Variants in MYO5C observed in about 807,000 individuals in gnomAD.
MYO5C encodes the protein myosin VC, also known as unconventional myosin-Vc.
Under a neutral mutation model 235.7 loss-of-function variants are expected in MYO5C, and 194 were observed. The ratio of observed to expected loss-of-function variants is 0.82; its 90% CI spans 0.73 to 0.93. The LOEUF (loss-of-function observed/expected upper bound fraction) is 0.93. Ranked by LOEUF, MYO5C falls within the 40% of genes least tolerant of loss-of-function variation. MYO5C has a pLI of 0.00. For missense variants in MYO5C, 2,038 were observed against 2,127.2 expected (o/e 0.96, Z 0.82); for synonymous variants, 707 against 754.8 (o/e 0.94, Z 1.04).
At chr15:52,233,675 C>T (rs1263937284) in intron 23 of MYO5C, among the ~76,000 whole-genome samples, 3 of 152,212 alleles carry the variant, frequency 2.0e-5, no homozygotes, top group Non-Finnish European at 2.9e-5. Context: ...ATACAAGAGT[C>T]GCAAACACAA....
At chr15:52,225,248 T>G (rs2035794862) in intron 26 of MYO5C, 110 bp from the exon 27 acceptor site, 1 of 1,234,876 alleles carries the variant, frequency 8.1e-7, no homozygotes, top group African/African-American at 1.5e-5. Flanking sequence ...GCTAAATAAC[T>G]CACCAGCTAT....
chr15:52,225,451 GT>G lies in MYO5C; in HGVS notation c.3288del (p.Lys1096AsnfsTer4). On this transcript the variant is annotated frameshift_variant, in exon 26 of 41. Coordinates refer to ENST00000261839, the MANE Select transcript of MYO5C (RefSeq NM_018728.4). LOFTEE classifies it high-confidence loss of function. The part of the protein sequence containing the change: ...IDVEKHVQSQ[K>X]REMREKMSEI... ...ATATTTTTATTACCTCTCATTTCCCGTTTTTGTGACTGCACATGTTTCTCCA... is the reference window on the plus strand; with the variant it reads ...ATATTTTTATTACCTCTCATTTCCCGTTTTGTGACTGCACATGTTTCTCCA... 6.2e-7 allele frequency: 1 copy of G among 1,612,754 alleles called. No homozygotes were observed. The highest frequency in any genetic ancestry group is 8.5e-7 in the Non-Finnish European group (1 of 1,179,048).
chr15:52,205,355 C>G, intron 37 of MYO5C: 1 of 589,068 alleles, frequency 1.7e-6, no homozygotes, highest in South Asian at 2.2e-5. Flanking sequence ...AGCGGGGCTG[C>G]AGCTCCTCTT....
At chr15:52,252,866 C>A (rs1467887345) in intron 12 of MYO5C, among the ~76,000 whole-genome samples, 1 of 152,190 alleles carries the variant, frequency 6.6e-6, no homozygotes, top group Non-Finnish European at 1.5e-5. Context: ...CACTGCCAGG[C>A]TGGCCTACTT....
chr15:52,245,453 G>C lies in MYO5C; in HGVS notation c.2079C>G (p.Ile693Met). The change falls in exon 18 of 41, where the codon ATC becomes ATG. Residue 693 changes from isoleucine (I) to methionine (M), a missense_variant. Transcript: ENST00000261839. ...GAATGCCGTAGCGACTGTAGAACTC[G>C]ATGTATGTCCACCTGGAAAATCAAA... ...AQSYPSRWTYIEFYSRYGILM... is the reference protein window; with the variant it reads ...AQSYPSRWTYMEFYSRYGILM... The C allele has an allele frequency of 1.9e-6, 3 of 1,613,210 alleles. No homozygotes were observed. The highest frequency in any genetic ancestry group is 2.5e-6 in the Non-Finnish European group (3 of 1,179,188).
chr15:52,286,001 C>T (rs562043274), intron 1 of MYO5C, among the ~76,000 whole-genome samples: 13 of 152,228 alleles, frequency 8.5e-5, no homozygotes, highest in African/African-American at 3.1e-4. Context: ...CGTCTCTGCC[C>T]AGCCGCCCAT....
intron 20 of MYO5C, among the ~76,000 whole-genome samples, chr15:52,240,086 A>T (rs1214953911): frequency 6.6e-6 from 1 of 152,122 alleles, no homozygotes. Flanking sequence ...TCATTCTAGA[A>T]CCCCCTGTCT....
At chr15:52,198,308 C>A (rs1439929171) in intron 38 of MYO5C, among the ~76,000 whole-genome samples, 2 of 152,312 alleles carry the variant, frequency 1.3e-5, no homozygotes, top group East Asian at 3.9e-4. Context: ...GTAGTTCAGC[C>A]TGGGCGACAA....
At chr15:52,285,434 TCTC>T (rs140032587) in intron 1 of MYO5C, among the ~76,000 whole-genome samples, 12,522 of 114,776 alleles carry the variant, frequency 0.11, 588 homozygotes, top group African/African-American at 0.15. Context: ...TCCCTCTCCC[TCTC>T]CCTCTCCCTC....
At chr15:52,204,066 G>C (rs182891948) in intron 38 of MYO5C, among the ~76,000 whole-genome samples, 1 of 152,232 alleles carries the variant, frequency 6.6e-6, no homozygotes, top group Non-Finnish European at 1.5e-5. Context: ...CCAATCACTT[G>C]ATCAGTGTTA....
At chr15:52,267,996 A>G (rs2036847644) in intron 8 of MYO5C, among the ~76,000 whole-genome samples, 1 of 152,236 alleles carries the variant, frequency 6.6e-6, no homozygotes, top group African/African-American at 2.4e-5. Context: ...AATGTAAGTC[A>G]GTGCCGAAAG....
chr15:52,216,807 A>G (rs1373794599), intron 32 of MYO5C, among the ~76,000 whole-genome samples: 2 of 152,252 alleles, frequency 1.3e-5, no homozygotes, highest in Non-Finnish European at 2.9e-5. Flanking sequence ...TGGCTACTAC[A>G]ATTTAGGGTG....
chr15:52,218,917 A>G (rs1173743057), intron 31 of MYO5C, among the ~76,000 whole-genome samples: 1 of 152,180 alleles, frequency 6.6e-6, no homozygotes, highest in Non-Finnish European at 1.5e-5. Flanking sequence ...TCCCCCAATA[A>G]GAGTTCCATT....
At chr15:52,276,202 G>A (rs1446894766) in intron 4 of MYO5C, among the ~76,000 whole-genome samples, 3 of 152,102 alleles carry the variant, frequency 2.0e-5, no homozygotes, top group African/African-American at 7.2e-5. Flanking sequence ...CAGGTTCAAT[G>A]ACCCAGTAAG....
intron 24 of MYO5C, among the ~76,000 whole-genome samples, chr15:52,230,397 CTTTTTTATAGATTTTTT>C (rs1306460808): frequency 6.6e-6 from 1 of 151,668 alleles, no homozygotes; most frequent in Non-Finnish European, 1.5e-5. Context: ...TGTTTGATTT[CTTTTTTATAGATTTTTT>C]TTTTTTTGAG....
intron 2 of MYO5C, among the ~76,000 whole-genome samples, chr15:52,280,081 G>A (rs1372524666): frequency 6.6e-6 from 1 of 152,194 alleles, no homozygotes; most frequent in African/African-American, 2.4e-5. Flanking sequence ...GGCCATGCAA[G>A]TTTTCATTTG....
chr15:52,232,084 T>A lies in MYO5C; in HGVS notation c.3026+538A>T, dbSNP rs542378813. Among the ~76,000 whole-genome samples the A allele has an allele frequency of 4.1e-5, 6 of 144,774 alleles. No homozygotes were observed. In the East Asian group the frequency reaches 1.2e-3, roughly 29 times the overall value. The allele number at this position is 144,774 out of a possible 152,430, so 95.0% of individuals were successfully genotyped here. On this transcript the variant is annotated intron_variant, in intron 24 of 40. Transcript: ENST00000261839. ...GTGGTAGTCTCTGAATTTTGCACTG[T>A]CTTAGCAATAAAGTAAAAAAAAAAG...
At chr15:52,202,313 G>T (rs944934063) in intron 38 of MYO5C, among the ~76,000 whole-genome samples, 1 of 152,202 alleles carries the variant, frequency 6.6e-6, no homozygotes, top group Non-Finnish European at 1.5e-5. Flanking sequence ...GGAGGCGAAG[G>T]TTGCAGTGAG....
rs34395430 is a variant in MYO5C at position 52,220,824 on chromosome 15, CAAA to C, written c.3721+335_3721+337del. Among the ~76,000 whole-genome samples, 7 of 118,600 alleles carry C rather than the reference CAAA, an allele frequency of 5.9e-5. No individual in the cohort carries two copies. The East Asian group carries it at 1.1e-3, about 18-fold the overall frequency. 77.8% of individuals were successfully genotyped at this position (118,600 alleles called of 152,430 possible). ...CCTGGGCAAGGGCGAAACTCAGTCT[CAAA>C]AAAAAAAAAAAAAATTTTTTTTGTA... On this transcript the variant is annotated intron_variant, in intron 30 of 40. Transcript: ENST00000261839.
Sources: allele counts gnomAD v4.1 joint callset (sites outside exome capture counted in the v4.1 genomes callset), GRCh38; gene constraint gnomAD v4.1.1; transcripts MANE v1.5; gene names NCBI Gene and HGNC (gene_info 2026-07-23, HGNC 2026-07-21).